UGGT2: variants seen among roughly 807,000 people sequenced by gnomAD.
UGGT2 encodes the protein UDP-glucose:glycoprotein glucosyltransferase 2.
A neutral mutation model predicts 192.1 loss-of-function variants in UGGT2; 180 were observed. That is an observed-to-expected ratio of 0.94 (90% CI 0.83 to 1.06). The LOEUF (loss-of-function observed/expected upper bound fraction) is 1.06. UGGT2 is among the 50% of genes least tolerant of loss of function. The pLI, the probability that UGGT2 is intolerant of heterozygous loss-of-function variation, is 0.00. For synonymous variants in UGGT2, 580 were observed against 591.0 expected (o/e 0.98, Z 0.27); for missense variants, 1,849 against 1,795.7 (o/e 1.03, Z -0.54).
At chr13:95,830,235 C>A (rs568928457) in intron 38 of UGGT2, among the ~76,000 whole-genome samples, 8 of 152,244 alleles carry the variant, frequency 5.3e-5, no homozygotes, top group African/African-American at 1.7e-4. Flanking sequence ...GACTTCATGA[C>A]TAAAACACCA....
chr13:95,894,156 A>T (rs967719567), intron 24 of UGGT2, among the ~76,000 whole-genome samples: 3 of 152,140 alleles, frequency 2.0e-5, no homozygotes, highest in African/African-American at 7.2e-5. Context: ...ACTCTCGCGC[A>T]TGCATGTGTG....
intron 15 of UGGT2, among the ~76,000 whole-genome samples, chr13:95,942,222 GTGTGT>G (rs545599591): frequency 1.3e-5 from 1 of 78,450 alleles, no homozygotes; most frequent in Non-Finnish European, 2.5e-5. Context: ...TAGGGTGAGG[GTGTGT>G]GTGTGTGTGT....
chr13:95,937,697 G>C (rs2049512529), intron 16 of UGGT2, among the ~76,000 whole-genome samples: 1 of 152,162 alleles, frequency 6.6e-6, no homozygotes, highest in Non-Finnish European at 1.5e-5. Flanking sequence ...CTGGAGTATG[G>C]AGAGGAAGGG....
Position 95,936,962 on chromosome 13 carries a change from T to C in UGGT2, c.1939A>G (p.Met647Val). Residue 647 changes from methionine to valine, a missense_variant, in exon 17 of 39, where the codon ATG becomes GTG. Coordinates refer to ENST00000376747, the MANE Select transcript of UGGT2 (RefSeq NM_020121.4). ...ELKMAVLQRM[M>V]DASVYLQREV... Reference sequence around the variant, plus strand: ...CTTTGTAAATATACAGATGCATCCATCATTCTTTGAAGAACAGCCATTTTT... The same window carrying C: ...CTTTGTAAATATACAGATGCATCCACCATTCTTTGAAGAACAGCCATTTTT... The C allele has an allele frequency of 1.9e-6, 3 of 1,595,248 alleles. No individual in the cohort carries two copies. In the South Asian group the frequency reaches 3.5e-5, roughly 18 times the overall value.
At chr13:95,899,439 T>A (rs1594266584) in intron 22 of UGGT2, among the ~76,000 whole-genome samples, 1 of 152,258 alleles carries the variant, frequency 6.6e-6, no homozygotes, top group East Asian at 1.9e-4. Context: ...AGGTGTAAGA[T>A]TAATATCTTA....
At chr13:95,850,310 TG>T (rs1246502969) in intron 36 of UGGT2, among the ~76,000 whole-genome samples, 1 of 152,212 alleles carries the variant, frequency 6.6e-6, no homozygotes, top group African/African-American at 2.4e-5. Context: ...CTTGACCAAT[TG>T]GTCAGAGGCC....
rs35780499 is a variant in UGGT2, at chr13:95,894,647, A to T, written c.2770T>A (p.Phe924Ile). The T allele has an allele frequency of 1.2e-3, 1,890 of 1,612,094 alleles. 24 individuals carry two copies. In the African/African-American group the frequency reaches 0.023, roughly 19 times the overall value. The change falls in exon 24 of 39, where the codon TTT (phenylalanine) becomes ATT (isoleucine). Residue 924 changes from phenylalanine to isoleucine, a missense_variant. Physicochemically the swap from Phe to Ile is conservative, Grantham distance 21 (BLOSUM62 0). Coordinates refer to ENST00000376747, the MANE Select transcript of UGGT2 (RefSeq NM_020121.4). ...ATAAGGGCATCAACTTTCATAATAA[A>T]GTCACTCATGCTAGATAAACAAGAC... ...MGINANNMSDFIMKVDALMSS... is the reference protein window; with the variant it reads ...MGINANNMSDIIMKVDALMSS...
At chr13:96,040,463 A>G (rs1448103371) in intron 1 of UGGT2, among the ~76,000 whole-genome samples, 1 of 152,178 alleles carries the variant, frequency 6.6e-6, no homozygotes, top group Non-Finnish European at 1.5e-5. Flanking sequence ...AGATGATCTC[A>G]TCTCAAGATC....
At chr13:95,914,220 C>T (rs905467896) in intron 20 of UGGT2, among the ~76,000 whole-genome samples, 4 of 150,300 alleles carry the variant, frequency 2.7e-5, no homozygotes, top group African/African-American at 9.8e-5. Flanking sequence ...ATGTTGTGCA[C>T]ATGTACCCTA....
At chr13:95,881,913 C>CTT (rs71113958) in intron 27 of UGGT2, among the ~76,000 whole-genome samples, 44 of 144,314 alleles carry the variant, frequency 3.0e-4, no homozygotes, top group South Asian at 6.6e-4. Context: ...TCACTTTTAG[C>CTT]TTTTTTTTTT....
intron 36 of UGGT2, among the ~76,000 whole-genome samples, chr13:95,849,920 T>G (rs892704824): frequency 2.0e-5 from 1 of 49,536 alleles, no homozygotes; most frequent in African/African-American, 5.7e-5. Context: ...TGGTACACTG[T>G]TTTTTGTTTT....
intron 27 of UGGT2, among the ~76,000 whole-genome samples, chr13:95,883,639 C>A (rs2047557262): frequency 6.6e-6 from 1 of 152,096 alleles, no homozygotes; most frequent in African/African-American, 2.4e-5. Flanking sequence ...GTGAGATGTG[C>A]CTGGCTTCCC....
At chr13:95,872,226 A>G (rs1476621209) in intron 29 of UGGT2, among the ~76,000 whole-genome samples, 1 of 152,246 alleles carries the variant, frequency 6.6e-6, no homozygotes, top group African/African-American at 2.4e-5. Flanking sequence ...TTTGTATTCA[A>G]GGTAAGTAAC....
At chr13:95,900,185 A>G (rs1415559731) in intron 22 of UGGT2, among the ~76,000 whole-genome samples, 1 of 152,142 alleles carries the variant, frequency 6.6e-6, no homozygotes, top group Non-Finnish European at 1.5e-5. Flanking sequence ...ATCATGATGT[A>G]AAATTATATA....
At chr13:95,948,124 A>T (rs2049938575) in intron 13 of UGGT2, 43 bp from the exon 14 acceptor site, 1 of 1,483,192 alleles carries the variant, frequency 6.7e-7, no homozygotes, top group African/African-American at 1.4e-5. Flanking sequence ...ACACCTTAGA[A>T]TCTTCATGAA....
Position 96,020,177 on chromosome 13 carries a change from G to A in UGGT2, c.485+2863C>T, listed in dbSNP as rs188247469. Reference sequence around the variant, plus strand: ...TTACCTTGCGAGACACTGACTCCTAGTTGAACTACGTGAAAATGTAAATGT... The same window carrying A: ...TTACCTTGCGAGACACTGACTCCTAATTGAACTACGTGAAAATGTAAATGT... On this transcript the variant is annotated intron_variant, in intron 4 of 38. Transcript: ENST00000376747. 3.1e-3 allele frequency among the ~76,000 whole-genome samples: 476 copies of A among 152,270 alleles called. 3 individuals carry two copies. Among genetic ancestry groups the A allele is most frequent in the African/African-American group, 0.011 (454 of 41,544 alleles).
In UGGT2 at chr13:95,801,753, T is replaced by C; in HGVS notation, c.*37A>G. On this transcript the variant is annotated 3_prime_UTR_variant, in exon 39 of 39. Coordinates refer to ENST00000376747, the MANE Select transcript of UGGT2 (RefSeq NM_020121.4). ...CTTCCCCAGCAGGCGGCAGGTTTCC[T>C]GTCATGCTTTCGCCTTCCTTCTCAT... 2 of 1,610,172 alleles carry C rather than the reference T, an allele frequency of 1.2e-6. No individual in the cohort carries two copies. Among genetic ancestry groups the C allele is most frequent in the Middle Eastern group, 1.7e-4 (1 of 6,040 alleles).
rs781047282 is a variant in UGGT2 at position 96,023,667 on chromosome 13, T to C, written c.334A>G (p.Ile112Val). 8 of 1,612,174 alleles carry C rather than the reference T, an allele frequency of 5.0e-6. No individual in the cohort carries two copies. Among genetic ancestry groups the C allele is most frequent in the East Asian group, 2.2e-5 (1 of 44,738 alleles). ...TGAATAGCTGGGGAGTATGCCCTTA[T>C]AGAGAAAGCAAACTTTAAAAGGTTG... The part of the protein sequence containing the change: ...HINLLKFAFS[I>V]RAYSPAIQMF... Residue 112 changes from isoleucine (I) to valine (V), a missense_variant, in exon 3 of 39, where the codon ATA becomes GTA. Physicochemically the swap from Ile to Val is conservative, Grantham distance 29. Transcript: ENST00000376747.
At position 95,890,243 on chromosome 13, in the gene UGGT2, CT is replaced by C. The variant is rs1323339521; in HGVS notation, c.2958+618del. 3.3e-5 allele frequency among the ~76,000 whole-genome samples: 5 copies of C among 152,276 alleles called. 1 individual carries two copies. Among genetic ancestry groups the C allele is most frequent in the African/African-American group, 1.2e-4 (5 of 41,554 alleles). On this transcript the variant is annotated intron_variant, in intron 25 of 38. Coordinates refer to ENST00000376747, the MANE Select transcript of UGGT2 (RefSeq NM_020121.4). ...AGCTTCAGCTTCTCCAAAAGCCACA[CT>C]TCACAACATATGAAAGACACCTGTA...
Sources: gnomAD v4.1 joint callset for allele counts (sites outside exome capture counted in the v4.1 genomes callset) on GRCh38, gnomAD v4.1.1 for gene constraint, MANE v1.5 for transcripts, NCBI Gene and HGNC (gene_info 2026-07-23, HGNC 2026-07-21) for gene names.